The following HS6ST3 variants were observed in gnomAD, a reference collection of about 807,000 sequenced individuals.
The protein encoded by HS6ST3 is heparan-sulfate 6-O-sulfotransferase 3.
In HS6ST3, 12 loss-of-function variants were observed where a neutral mutation model predicts 36.7. That is an observed-to-expected ratio of 0.33 (90% CI 0.21 to 0.53). The LOEUF (loss-of-function observed/expected upper bound fraction) is 0.53, where lower values mean the gene tolerates loss of function less well. Ranked by LOEUF, HS6ST3 falls within the 20% of genes least tolerant of loss-of-function variation. The pLI is 0.95. For synonymous variants in HS6ST3, 240 were observed against 257.5 expected (o/e 0.93, Z 0.65); for missense variants, 584 against 640.9 (o/e 0.91, Z 0.96).
chr13:96,107,766 A>G (rs929863044), intron 1 of HS6ST3, among the ~76,000 whole-genome samples: 2 of 152,176 alleles, frequency 1.3e-5, no homozygotes, highest in African/African-American at 4.8e-5. Context: ...GCCTGTCTTT[A>G]CTGCGGTTTC....
intron 1 of HS6ST3, among the ~76,000 whole-genome samples, chr13:96,680,198 T>C (rs2056713472): frequency 6.6e-6 from 1 of 152,044 alleles, no homozygotes; most frequent in Non-Finnish European, 1.5e-5. Context: ...ACACAGTCCT[T>C]GGCCTCTCAA....
intron 1 of HS6ST3, among the ~76,000 whole-genome samples, chr13:96,750,744 C>T (rs1055318615): frequency 1.4e-4 from 21 of 152,060 alleles, no homozygotes; most frequent in Admixed American, 2.0e-4. Flanking sequence ...AGGTAGGAGA[C>T]GAGCCATGAT....
chr13:96,357,810 T>C (rs1402626285), intron 1 of HS6ST3, among the ~76,000 whole-genome samples: 1 of 152,154 alleles, frequency 6.6e-6, no homozygotes, highest in Non-Finnish European at 1.5e-5. Flanking sequence ...ACGTGAGCCA[T>C]TGCAGCTGGC....
intron 1 of HS6ST3, 25 bp from the exon 2 acceptor site, chr13:96,832,465 A>C (rs201336292): frequency 6.7e-7 from 1 of 1,503,410 alleles, no homozygotes; most frequent in African/African-American, 1.4e-5. Flanking sequence ...TCAACTACTG[A>C]TGCTCTTCCT....
chr13:96,344,892 C>T (rs1457947652), intron 1 of HS6ST3, among the ~76,000 whole-genome samples: 1 of 152,148 alleles, frequency 6.6e-6, no homozygotes, highest in Non-Finnish European at 1.5e-5. Flanking sequence ...TTGTAGCTTT[C>T]TCTCTTATTA....
chr13:96,486,085 A>G lies in HS6ST3; in HGVS notation c.708-346405A>G, dbSNP rs561381291. Among the ~76,000 whole-genome samples the G allele has an allele frequency of 3.6e-5, 5 of 138,816 alleles. No homozygotes were observed. In the East Asian group the frequency reaches 1.1e-3, roughly 30 times the overall value. 91.1% of individuals were successfully genotyped at this position (138,816 alleles called of 152,430 possible). The stretch of plus-strand genomic sequence containing the variant: ...TGTGTCCATGTGTTCTCGTTGTTCA[A>G]TTCCCACCTGTGAGTGAGAACATGC... On this transcript the variant is annotated intron_variant, in intron 1 of 1. Coordinates refer to ENST00000376705, the MANE Select transcript of HS6ST3 (RefSeq NM_153456.4).
At chr13:96,573,908 A>C (rs2056310526) in intron 1 of HS6ST3, 1 of 508,762 alleles carries the variant, frequency 2.0e-6, no homozygotes, top group Admixed American at 2.3e-5. Flanking sequence ...ATGGAATGGC[A>C]GCTCCACAAA....
intron 1 of HS6ST3, among the ~76,000 whole-genome samples, chr13:96,544,626 A>G (rs1188043479): frequency 6.6e-6 from 1 of 152,190 alleles, no homozygotes; most frequent in Non-Finnish European, 1.5e-5. Context: ...TCTTTGTGAC[A>G]ACTCTTTTTA....
chr13:96,741,057 C>A (rs1205631064), intron 1 of HS6ST3, among the ~76,000 whole-genome samples: 1 of 152,174 alleles, frequency 6.6e-6, no homozygotes, highest in Admixed American at 6.6e-5. Context: ...GAGAAACAAT[C>A]CATTCTTTAT....
At chr13:96,656,841 A>G (rs891241204) in intron 1 of HS6ST3, among the ~76,000 whole-genome samples, 6 of 152,102 alleles carry the variant, frequency 3.9e-5, no homozygotes, top group South Asian at 2.1e-4. Flanking sequence ...ACGGAATTAT[A>G]TACAAAATAA....
chr13:96,407,531 C>A (rs981724678), intron 1 of HS6ST3, among the ~76,000 whole-genome samples: 6 of 152,124 alleles, frequency 3.9e-5, no homozygotes, highest in African/African-American at 1.4e-4. Context: ...TAGGCGTTCA[C>A]CTGGTTAGAT....
chr13:96,792,260 G>C (rs1427559748), intron 1 of HS6ST3, among the ~76,000 whole-genome samples: 1 of 152,004 alleles, frequency 6.6e-6, no homozygotes, highest in Non-Finnish European at 1.5e-5. Flanking sequence ...TTACACACTT[G>C]AGCTGAATAA....
chr13:96,617,146 A>G (rs1342392815), intron 1 of HS6ST3, among the ~76,000 whole-genome samples: 1 of 152,236 alleles, frequency 6.6e-6, no homozygotes, highest in Non-Finnish European at 1.5e-5. Flanking sequence ...TTTCTCTAAT[A>G]AAAGTCCATC....
chr13:96,655,626 A>AT (rs372941960), intron 1 of HS6ST3, among the ~76,000 whole-genome samples: 2 of 151,960 alleles, frequency 1.3e-5, no homozygotes, highest in African/African-American at 2.4e-5. Flanking sequence ...AAAAATTCTG[A>AT]TTTTTTTTGA....
At chr13:96,360,287 T>C (rs2055231101) in intron 1 of HS6ST3, among the ~76,000 whole-genome samples, 1 of 135,898 alleles carries the variant, frequency 7.4e-6, no homozygotes, top group Non-Finnish European at 1.6e-5. Flanking sequence ...ATAGGCATCC[T>C]TTTGATGTTT....
intron 1 of HS6ST3, among the ~76,000 whole-genome samples, chr13:96,587,233 A>T (rs1274590878): frequency 1.3e-5 from 2 of 151,884 alleles, no homozygotes; most frequent in African/African-American, 2.4e-5. Context: ...AGATGCCTCC[A>T]GCTTTATTTA....
intron 1 of HS6ST3, among the ~76,000 whole-genome samples, chr13:96,650,247 G>A (rs2056602927): frequency 6.6e-6 from 1 of 151,960 alleles, no homozygotes; most frequent in Non-Finnish European, 1.5e-5. Flanking sequence ...TCCCCAACTA[G>A]CTGTTAAGCT....
intron 1 of HS6ST3, among the ~76,000 whole-genome samples, chr13:96,420,944 A>T (rs1302310078): frequency 6.6e-6 from 1 of 152,116 alleles, no homozygotes; most frequent in Non-Finnish European, 1.5e-5. Context: ...TTCCTACTCC[A>T]TTACCACCTT....
At chr13:96,373,560 G>A (rs1355972638) in intron 1 of HS6ST3, among the ~76,000 whole-genome samples, 2 of 152,172 alleles carry the variant, frequency 1.3e-5, no homozygotes, top group East Asian at 3.8e-4. Flanking sequence ...TGAAGCATAA[G>A]CTTTCCATTT....
Sources: gnomAD v4.1 joint callset for allele counts (sites outside exome capture counted in the v4.1 genomes callset) on GRCh38, gnomAD v4.1.1 for gene constraint, MANE v1.5 for transcripts, NCBI Gene and HGNC (gene_info 2026-07-23, HGNC 2026-07-21) for gene names.